Variants in STPG3 observed in about 807,000 individuals in gnomAD.
STPG3 encodes the protein sperm-tail PG-rich repeat containing 3.
In STPG3, 39 loss-of-function variants were observed where a neutral mutation model predicts 32.5. The ratio of observed to expected loss-of-function variants is 1.20; its 90% confidence interval spans 0.93 to 1.57. The LOEUF is 1.57. Ranked by LOEUF, STPG3 falls within the 40% of genes most tolerant of loss-of-function variation. STPG3 has a pLI of 0.00. For synonymous variants in STPG3, 209 were observed against 172.4 expected (o/e 1.21, Z -1.66); for missense variants, 507 against 407.6 (o/e 1.24, Z -2.10).
Position 137,253,455 on chromosome 9 carries a change from C to A in STPG3, c.*210C>A. 2.1e-6 allele frequency: 3 copies of A among 1,436,762 alleles called. No individual in the cohort carries two copies. Among genetic ancestry groups the A allele is most frequent in the Non-Finnish European group, 2.7e-6 (3 of 1,098,120 alleles). 89.0% of individuals were successfully genotyped at this position (1,436,762 alleles called of 1,614,324 possible). The stretch of plus-strand genomic sequence containing the variant: ...GATCCCCCATCTGCCCATCTCCCCG[C>A]TACACTGAGATGCTGTTGGTTTTCC... On this transcript the variant is annotated 3_prime_UTR_variant, in exon 6 of 6. Transcript: ENST00000412566.
At chr9:137,253,029 G>A in intron 5 of STPG3, 64 bp downstream of exon 5, 1 of 1,502,652 alleles carries the variant, frequency 6.7e-7, no homozygotes, top group African/African-American at 1.4e-5. Flanking sequence ...GAGGACAAGG[G>A]TTCAGGGGCC....
chr9:137,251,464 G>C (rs567383482), intron 1 of STPG3, 68 bp downstream of exon 1: 112 of 1,262,200 alleles, frequency 8.9e-5, no homozygotes, highest in Admixed American at 1.8e-5. Flanking sequence ...GGGACAGTGT[G>C]GGGGGCAGGT....
chr9:137,251,953 G>C lies in STPG3; in HGVS notation c.269-48G>C, dbSNP rs529802699. On this transcript the variant is annotated intron_variant, in intron 2 of 5. Transcript: ENST00000412566. ...GCTGGTCTTTGGGGGGCTGTGGGAG[G>C]GGCCCGCTGAAAGGAGCCCAGGCCC... 2.4e-5 allele frequency: 39 copies of C among 1,596,942 alleles called. No homozygotes were observed. In the South Asian group the frequency reaches 3.3e-4, roughly 13 times the overall value.
In STPG3 at chr9:137,251,411, G is replaced by C. The variant is rs1404970654; in HGVS notation, c.110+15G>C. On this transcript the variant is annotated intron_variant, in intron 1 of 5. Transcript: ENST00000412566. ...GAGCCCACCCAGTAACTGGCGGAGAGGGGGAGAAGGGGCGGGCCAGCTGGG... is the reference window on the plus strand; with the variant it reads ...GAGCCCACCCAGTAACTGGCGGAGACGGGGAGAAGGGGCGGGCCAGCTGGG... 1.3e-5 allele frequency: 21 copies of C among 1,583,210 alleles called. No homozygotes were observed. Among genetic ancestry groups the C allele is most frequent in the South Asian group, 1.2e-4 (11 of 89,492 alleles).
Position 137,251,352 on chromosome 9 carries a change from C to A in STPG3, c.66C>A (p.His22Gln), listed in dbSNP as rs1837299080. The A allele has an allele frequency of 7.4e-6, 12 of 1,613,544 alleles. No individual in the cohort carries two copies. The Admixed American group carries it at 2.0e-4, about 27-fold the overall frequency. The change falls in exon 1 of 6, where the codon CAC (histidine) becomes CAA (glutamine). Residue 22 changes from histidine to glutamine, a missense_variant. His to Gln is a conservative substitution (Grantham distance 24). Transcript: ENST00000412566. Reference sequence around the variant, plus strand: ...ATTTTTACATCAATGGAGGCAAACACTGGACCCATGGTCACCTGAGGCAGA... The same window carrying A: ...ATTTTTACATCAATGGAGGCAAACAATGGACCCATGGTCACCTGAGGCAGA... Reference protein sequence around the residue: ...LANFYINGGKHWTHGHLRQTQ... With the variant: ...LANFYINGGKQWTHGHLRQTQ...
At position 137,253,115 on chromosome 9, in the gene STPG3, C is replaced by A. The variant is rs1273763433; in HGVS notation, c.797C>A (p.Ser266Tyr). ...SPAFTSWLST[S>Y]RTPGPAAYHV... ...GGCTCCCAGCCTTCTCTTTCGGCAG[C>A]CCGAACCCCTGGCCCAGCCGCCTAC... The change falls in exon 6 of 6, where the codon TCC (serine) becomes TAC (tyrosine). Residue 266 changes from serine (S) to tyrosine (Y), a missense_variant and splice_region_variant. Ser to Tyr is a moderately radical substitution (Grantham distance 144). Transcript: ENST00000412566. The A allele has an allele frequency of 5.1e-6, 8 of 1,563,394 alleles. No individual in the cohort carries two copies. Among genetic ancestry groups the A allele is most frequent in the Non-Finnish European group, 6.9e-6 (8 of 1,151,274 alleles).
In STPG3 at chr9:137,252,539, C is replaced by A; in HGVS notation, c.492+14C>A. 1 of 1,434,424 alleles carries A rather than the reference C, an allele frequency of 7.0e-7. No homozygotes were observed. Among genetic ancestry groups the A allele is most frequent in the South Asian group, 1.5e-5 (1 of 68,030 alleles). 88.9% of individuals were successfully genotyped at this position (1,434,424 alleles called of 1,614,324 possible). ...CAAGAGCAAAAGGTTGGGGGCTGGG[C>A]AGGAAGGGGGCGGGGAGTCCACGCA... On this transcript the variant is annotated intron_variant, in intron 4 of 5. Transcript: ENST00000412566.
rs772041764 is a variant in STPG3, at chr9:137,251,339, A to G, written c.53A>G (p.Asn18Ser). ...AAATTCCTGGCAAATTTTTACATCA[A>G]TGGAGGCAAACACTGGACCCATGGT... ...AVKFLANFYINGGKHWTHGHL... is the reference protein window; with the variant it reads ...AVKFLANFYISGGKHWTHGHL... The change falls in exon 1 of 6, where the codon AAT (asparagine) becomes AGT (serine). Residue 18 changes from asparagine to serine, a missense_variant. Transcript: ENST00000412566. 7 of 1,613,614 alleles carry G rather than the reference A, an allele frequency of 4.3e-6. No homozygotes were observed. In the East Asian group the frequency reaches 8.9e-5, roughly 21 times the overall value.
Position 137,252,481 on chromosome 9 carries a change from G to C in STPG3, c.448G>C (p.Glu150Gln). The change falls in exon 4 of 6, where the codon GAA becomes CAA. Residue 150 changes from glutamate to glutamine, a missense_variant. Transcript: ENST00000412566. ...ATGGCAGACTTTGTGGTTCCAGAGC[G>C]AAAGCCCCTTCACGCAGAAAGCTGA... is the stretch of plus-strand genomic sequence containing the variant. ...RAWQTLWFQS[E>Q]SPFTQKADFD... is the part of the protein sequence containing the mutation. The C allele has an allele frequency of 1.3e-6, 2 of 1,596,804 alleles. No individual in the cohort carries two copies. The highest frequency in any genetic ancestry group is 1.7e-4 in the Middle Eastern group (1 of 5,992).
In STPG3 at chr9:137,252,114, G is replaced by A. The variant is rs771601584; in HGVS notation, c.382G>A (p.Gly128Ser). ...CTCCCCACACCCCCACTACAGCATC[G>A]GCTGCAAGCACCAGGGCCGAGGTGT... ...ESSPHPHYSI[G>S]CKHQGREGGG... The change falls in exon 3 of 6, where the codon GGC becomes AGC. Residue 128 changes from glycine (G) to serine (S), a missense_variant. By Grantham distance (56) the Gly-to-Ser change is moderately conservative. Coordinates refer to ENST00000412566, the MANE Select transcript of STPG3 (RefSeq NM_001004353.4). The A allele has an allele frequency of 1.6e-5, 26 of 1,611,350 alleles. No homozygotes were observed. The South Asian group carries it at 1.9e-4, about 12-fold the overall frequency.
intron 1 of STPG3, 53 bp downstream of exon 1, chr9:137,251,449 G>A: frequency 1.5e-6 from 2 of 1,378,468 alleles, no homozygotes; most frequent in Middle Eastern, 2.0e-4. Context: ...TGGCCAGGGG[G>A]CTGAGGGACA....
chr9:137,252,830 T>C lies in STPG3; in HGVS notation c.661T>C (p.Ser221Pro). Reference protein sequence around the residue: ...RVQPQSLLQASLQAPGKRCPG... With the variant: ...RVQPQSLLQAPLQAPGKRCPG... The stretch of plus-strand genomic sequence containing the variant: ...GCAGCCCCAGTCCCTGCTTCAGGCC[T>C]CTTTGCAGGCACCTGGCAAGAGATG... Residue 221 changes from serine to proline, a missense_variant, in exon 5 of 6, where the codon TCT becomes CCT. Transcript: ENST00000412566. 6.4e-7 allele frequency: 1 copy of C among 1,570,176 alleles called. No individual in the cohort carries two copies. The highest frequency in any genetic ancestry group is 8.6e-7 in the Non-Finnish European group (1 of 1,158,240).
chr9:137,253,244 AGAGCCAGCT>A lies in STPG3; in HGVS notation c.*1_*9del, dbSNP rs1297476092. ...GACACAGGCCCCTTCTGCACGCTCT[AGAGCCAGCT>A]GGGCACAACCTGCTTGGCCCGGCCA... On this transcript the variant is annotated stop_retained_variant and 3_prime_UTR_variant, in exon 6 of 6. Coordinates refer to ENST00000412566, the MANE Select transcript of STPG3 (RefSeq NM_001004353.4). 1 of 1,605,668 alleles carries A rather than the reference AGAGCCAGCT, an allele frequency of 6.2e-7. No homozygotes were observed. Among genetic ancestry groups the A allele is most frequent in the Non-Finnish European group, 8.5e-7 (1 of 1,176,688 alleles).
intron 4 of STPG3, 60 bp from the exon 5 acceptor site, chr9:137,252,602 G>C: frequency 6.6e-7 from 1 of 1,511,134 alleles, no homozygotes; most frequent in Non-Finnish European, 8.9e-7. Flanking sequence ...CCAAAGGGGG[G>C]CTGGCTGAGG....
rs1370678809 is a variant in STPG3, at chr9:137,252,776, C to T, written c.607C>T (p.Pro203Ser). The change falls in exon 5 of 6, where the codon CCT (proline) becomes TCT (serine). Residue 203 changes from proline (P) to serine (S), a missense_variant. By Grantham distance (74) the Pro-to-Ser change is moderately conservative. Transcript: ENST00000412566. ...TPEGHTHLGL[P>S]GARGLGLRVQ... is the part of the protein sequence containing the mutation. ...TGAAGGCCACACCCACCTAGGGCTGCCTGGGGCTAGGGGGCTGGGCCTCAG... is the reference window on the plus strand; with the variant it reads ...TGAAGGCCACACCCACCTAGGGCTGTCTGGGGCTAGGGGGCTGGGCCTCAG... 5 of 1,562,096 alleles carry T rather than the reference C, an allele frequency of 3.2e-6. No individual in the cohort carries two copies. The African/African-American group carries it at 5.4e-5, about 17-fold the overall frequency.
At position 137,252,672 on chromosome 9, in the gene STPG3, C is replaced by A; in HGVS notation, c.503C>A (p.Pro168Gln). The A allele has an allele frequency of 6.5e-7, 1 of 1,546,382 alleles. No homozygotes were observed. The highest frequency in any genetic ancestry group is 8.7e-7 in the Non-Finnish European group (1 of 1,144,218). ...CCTACCCCCTCGCAGTGGCCCTCGC[C>A]AGCCCACTACCAGCTGCTCAGCCGG... Reference protein sequence around the residue: ...DFDQEQKWPSPAHYQLLSRPA... With the variant: ...DFDQEQKWPSQAHYQLLSRPA... Residue 168 changes from proline to glutamine, a missense_variant, in exon 5 of 6, where the codon CCA becomes CAA. Coordinates refer to ENST00000412566, the MANE Select transcript of STPG3 (RefSeq NM_001004353.4).
intron 1 of STPG3, 150 bp from the exon 2 acceptor site, chr9:137,251,588 G>A: frequency 9.1e-7 from 1 of 1,093,628 alleles, no homozygotes; most frequent in Non-Finnish European, 1.3e-6. Context: ...GCTGGGAGCG[G>A]CCAGGGGCTG....
chr9:137,253,422 C>A lies in STPG3; in HGVS notation c.*177C>A. ...TCTATGGGCTGTGGACAAGGCTGGC[C>A]CAGCCTGGATCCCCCATCTGCCCAT... On this transcript the variant is annotated 3_prime_UTR_variant, in exon 6 of 6. Transcript: ENST00000412566. 6.9e-7 allele frequency: 1 copy of A among 1,448,844 alleles called. No individual in the cohort carries two copies. The highest frequency in any genetic ancestry group is 2.5e-5 in the East Asian group (1 of 39,904). The allele number at this position is 1,448,844 out of a possible 1,614,324, so 89.7% of individuals were successfully genotyped here.
In STPG3 at chr9:137,252,474, C is replaced by T; in HGVS notation, c.441C>T (p.Phe147=). ...GCAGGGCATGGCAGACTTTGTGGTTCCAGAGCGAAAGCCCCTTCACGCAGA... is the reference window on the plus strand; with the variant it reads ...GCAGGGCATGGCAGACTTTGTGGTTTCAGAGCGAAAGCCCCTTCACGCAGA... The part of the protein sequence containing the change: ...GGRRAWQTLW[F]QSESPFTQKA... Residue 147 remains phenylalanine (F), a synonymous_variant, in exon 4 of 6, where the codon TTC becomes TTT. Coordinates refer to ENST00000412566, the MANE Select transcript of STPG3 (RefSeq NM_001004353.4). 1 of 1,611,152 alleles carries T rather than the reference C, an allele frequency of 6.2e-7. No individual in the cohort carries two copies. Among genetic ancestry groups the T allele is most frequent in the Non-Finnish European group, 8.5e-7 (1 of 1,178,890 alleles).
Sources: allele counts gnomAD v4.1 joint callset, GRCh38; gene constraint gnomAD v4.1.1; transcripts MANE v1.5; gene names NCBI Gene and HGNC (gene_info 2026-07-23, HGNC 2026-07-21).